Variants in PCGF6 observed in about 807,000 individuals in gnomAD.
PCGF6 encodes the protein polycomb group ring finger 6.
PCGF6 carries 24 observed loss-of-function variants against 45.5 expected under a neutral mutation model. That is an observed-to-expected ratio of 0.53 (90% CI 0.38 to 0.74). The LOEUF is 0.74. Among genes scored for constraint, PCGF6 ranks in the 30% least tolerant of loss-of-function variants. PCGF6 has a pLI of 0.00. For synonymous variants in PCGF6, 152 were observed against 162.1 expected (o/e 0.94, Z 0.47); for missense variants, 356 against 443.2 (o/e 0.80, Z 1.77).
intron 6 of PCGF6, among the ~76,000 whole-genome samples, chr10:103,339,622 C>T (rs1160805608): frequency 6.7e-6 from 1 of 149,916 alleles, no homozygotes; most frequent in East Asian, 2.0e-4. Flanking sequence ...AACCCCATCT[C>T]TACTAAAAAA....
rs151178975 is a variant in PCGF6 at position 103,307,190 on chromosome 10, C to A, written c.997-3229G>T. Among the ~76,000 whole-genome samples, 18 of 152,100 alleles carry A rather than the reference C, an allele frequency of 1.2e-4. No individual in the cohort carries two copies. The East Asian group carries it at 3.5e-3, about 29-fold the overall frequency. On this transcript the variant is annotated intron_variant, in intron 9 of 9. Transcript: ENST00000369847. ...GTGGCTCATGGCTCATGCCTGTAATCCCAGCACTTTGAAAGGCTGAGGTTG... is the reference window on the plus strand; with the variant it reads ...GTGGCTCATGGCTCATGCCTGTAATACCAGCACTTTGAAAGGCTGAGGTTG...
intron 8 of PCGF6, among the ~76,000 whole-genome samples, chr10:103,320,172 A>G (rs1231208591): frequency 1.3e-5 from 2 of 152,166 alleles, no homozygotes; most frequent in Non-Finnish European, 2.9e-5. Flanking sequence ...ATCTTATAGA[A>G]GAATTTTTAG....
chr10:103,310,302 C>T (rs1020237147), intron 9 of PCGF6, among the ~76,000 whole-genome samples: 1 of 151,744 alleles, frequency 6.6e-6, no homozygotes, highest in Non-Finnish European at 1.5e-5. Flanking sequence ...GAAAACTAAT[C>T]CCCAGTGACA....
chr10:103,319,174 G>A (rs889428250), intron 8 of PCGF6, among the ~76,000 whole-genome samples: 1 of 152,130 alleles, frequency 6.6e-6, no homozygotes, highest in Non-Finnish European at 1.5e-5. Flanking sequence ...TTTCGAGATG[G>A]AGTCTCACTC....
chr10:103,340,723 A>C (rs1183798024), intron 6 of PCGF6, among the ~76,000 whole-genome samples: 1 of 151,818 alleles, frequency 6.6e-6, no homozygotes, highest in African/African-American at 2.4e-5. Context: ...CAGCCTCCCT[A>C]GTAGATGGGA....
At chr10:103,340,089 A>G (rs1340270240) in intron 6 of PCGF6, among the ~76,000 whole-genome samples, 1 of 147,570 alleles carries the variant, frequency 6.8e-6, no homozygotes, top group Non-Finnish European at 1.5e-5. Flanking sequence ...AGGTAGGAGA[A>G]CTGCTTGAAC....
intron 8 of PCGF6, among the ~76,000 whole-genome samples, chr10:103,315,732 C>T (rs1167787016): frequency 6.6e-6 from 1 of 152,044 alleles, no homozygotes; most frequent in Non-Finnish European, 1.5e-5. Flanking sequence ...GTCTCAAACT[C>T]CTAGTCGTAA....
intron 9 of PCGF6, among the ~76,000 whole-genome samples, chr10:103,304,807 C>G (rs890642125): frequency 1.3e-5 from 2 of 152,060 alleles, no homozygotes; most frequent in Non-Finnish European, 2.9e-5. Flanking sequence ...AGACACGCAC[C>G]ACCACCAGAC....
In PCGF6 at chr10:103,345,026, A is replaced by C. The variant is rs764115744; in HGVS notation, c.780T>G (p.Ile260Met). ...ELDMSLLLEF[I>M]GANEGTGHFK... ...AGGTAAATTTTTAGGGTACTCACCC[A>C]ATGAACTCCAGTAATAAAGACATAT... Residue 260 changes from isoleucine (I) to methionine (M), a missense_variant and splice_region_variant, in exon 6 of 10, where the codon ATT (isoleucine) becomes ATG (methionine). Ile to Met is a conservative substitution (Grantham distance 10, BLOSUM62 1). Coordinates refer to ENST00000369847, the MANE Select transcript of PCGF6 (RefSeq NM_001011663.2). The C allele has an allele frequency of 5.7e-6, 9 of 1,587,366 alleles. No individual in the cohort carries two copies. Among genetic ancestry groups the C allele is most frequent in the Non-Finnish European group, 6.9e-6 (8 of 1,161,206 alleles).
chr10:103,323,603 T>C (rs1322534764), intron 8 of PCGF6, among the ~76,000 whole-genome samples: 1 of 151,138 alleles, frequency 6.6e-6, no homozygotes, highest in African/African-American at 2.4e-5. Context: ...CCCCTTTTCT[T>C]TTTTTTGATA....
rs1217701651 is a variant in PCGF6 at position 103,351,106 on chromosome 10, G to C, written c.-40C>G. The C allele has an allele frequency of 7.5e-7, 1 of 1,338,554 alleles. No individual in the cohort carries two copies. Among genetic ancestry groups the C allele is most frequent in the African/African-American group, 1.5e-5 (1 of 66,522 alleles). The allele number at this position is 1,338,554 out of a possible 1,614,324, so 82.9% of individuals were successfully genotyped here. On this transcript the variant is annotated 5_prime_UTR_variant, in exon 1 of 10. Coordinates refer to ENST00000369847, the MANE Select transcript of PCGF6 (RefSeq NM_001011663.2). ...CCAGGCGAGGCGAGGCGGCGGGAGAGCGCGGGAGTTCGGCCGGCCTCGGAC... is the reference window on the plus strand; with the variant it reads ...CCAGGCGAGGCGAGGCGGCGGGAGACCGCGGGAGTTCGGCCGGCCTCGGAC...
intron 8 of PCGF6, among the ~76,000 whole-genome samples, chr10:103,320,274 A>G (rs2093192179): frequency 6.6e-6 from 1 of 152,188 alleles, no homozygotes; most frequent in Non-Finnish European, 1.5e-5. Context: ...TAAGACATCA[A>G]AGAGTAAATA....
chr10:103,326,753 T>C, intron 7 of PCGF6, 121 bp from the exon 8 acceptor site: 1 of 587,800 alleles, frequency 1.7e-6, no homozygotes, highest in Non-Finnish European at 2.7e-6. Context: ...GATGATTCAA[T>C]AGACTCTTGA....
At chr10:103,320,492 G>C (rs2093193244) in intron 8 of PCGF6, among the ~76,000 whole-genome samples, 1 of 152,142 alleles carries the variant, frequency 6.6e-6, no homozygotes, top group African/African-American at 2.4e-5. Context: ...TTCAAGACCA[G>C]CCTGGCCAAC....
At chr10:103,312,827 G>GGT (rs2093162098) in intron 9 of PCGF6, among the ~76,000 whole-genome samples, 2 of 152,262 alleles carry the variant, frequency 1.3e-5, no homozygotes, top group South Asian at 4.1e-4. Context: ...TGGGCGTGGT[G>GGT]GCGCATGCCT....
At chr10:103,338,296 C>A (rs970360468) in intron 6 of PCGF6, among the ~76,000 whole-genome samples, 4 of 151,466 alleles carry the variant, frequency 2.6e-5, no homozygotes, top group African/African-American at 9.7e-5. Flanking sequence ...CTAATCCCAG[C>A]ACTTTAGGAG....
intron 8 of PCGF6, among the ~76,000 whole-genome samples, chr10:103,315,390 C>T (rs1262852471): frequency 6.6e-6 from 1 of 152,130 alleles, no homozygotes; most frequent in African/African-American, 2.4e-5. Flanking sequence ...GATGGAGTCT[C>T]GCTCTGTCGC....
chr10:103,316,422 A>G (rs2093176554), intron 8 of PCGF6, among the ~76,000 whole-genome samples: 1 of 152,242 alleles, frequency 6.6e-6, no homozygotes, highest in South Asian at 2.1e-4. Flanking sequence ...AATAAGTTAC[A>G]TATGTATTTG....
At chr10:103,311,788 C>T (rs1200833446) in intron 9 of PCGF6, among the ~76,000 whole-genome samples, 2 of 151,934 alleles carry the variant, frequency 1.3e-5, no homozygotes, top group East Asian at 3.9e-4. Flanking sequence ...CTGGATTTAC[C>T]CAATAGGCCA....
Sources: gnomAD v4.1 joint callset for allele counts (sites outside exome capture counted in the v4.1 genomes callset) on GRCh38, gnomAD v4.1.1 for gene constraint, MANE v1.5 for transcripts, NCBI Gene and HGNC (gene_info 2026-07-23, HGNC 2026-07-21) for gene names.